The following RAB11FIP3 variants were observed in gnomAD, a reference collection of about 807,000 sequenced individuals.
The protein encoded by RAB11FIP3 is RAB11 family interacting protein 3.
In RAB11FIP3, 17 loss-of-function variants were observed where a neutral mutation model predicts 77.8. The observed-to-expected ratio is 0.22, with a 90% CI of 0.15 to 0.33. RAB11FIP3 has a LOEUF of 0.33. RAB11FIP3 is among the 10% of genes least tolerant of loss of function. RAB11FIP3 has a pLI of 1.00. For missense variants in RAB11FIP3, 1,005 were observed against 1,011.2 expected (o/e 0.99, Z 0.08); for synonymous variants, 437 against 448.2 (o/e 0.98, Z 0.31).
intron 3 of RAB11FIP3, among the ~76,000 whole-genome samples, chr16:475,832 G>A (rs1402545689): frequency 6.6e-6 from 1 of 152,220 alleles, no homozygotes; most frequent in African/African-American, 2.4e-5. Context: ...CAATGGCAGG[G>A]AGGCCCGGCT....
At chr16:499,791 G>A (rs527457235) in intron 6 of RAB11FIP3, among the ~76,000 whole-genome samples, 6 of 109,768 alleles carry the variant, frequency 5.5e-5, no homozygotes, top group African/African-American at 7.8e-5. Context: ...GAGCAAGACT[G>A]TCTCAAAAAA....
chr16:494,555 G>C (rs906834964), intron 5 of RAB11FIP3, among the ~76,000 whole-genome samples: 6 of 151,944 alleles, frequency 3.9e-5, no homozygotes, highest in African/African-American at 1.2e-4. Context: ...CCGGGAGGTG[G>C]AACTTGCAGT....
At chr16:497,362 G>A in intron 6 of RAB11FIP3, 1 of 1,302,410 alleles carries the variant, frequency 7.7e-7, no homozygotes, top group South Asian at 1.2e-5. Context: ...TCCCCTGCCA[G>A]TTCTTACCGA....
Position 426,489 on chromosome 16 carries a change from C to T in RAB11FIP3, c.483C>T (p.Phe161=), listed in dbSNP as rs776735779. 7.6e-6 allele frequency: 12 copies of T among 1,580,544 alleles called. No homozygotes were observed. The South Asian group carries it at 1.3e-4, about 17-fold the overall frequency. Residue 161 remains phenylalanine (F), a synonymous_variant, in exon 1 of 14, where the codon TTC becomes TTT. Coordinates refer to ENST00000262305, the MANE Select transcript of RAB11FIP3 (RefSeq NM_014700.4). This position sits in a 1 kb window ranked among gnomAD's most constrained non-coding sequence, Gnocchi z 5.0. ...SHRARGEVDV[F]SPFPAPTAGE... The stretch of plus-strand genomic sequence containing the variant: ...GAGCGCGGGGCGAGGTCGACGTCTT[C>T]TCTCCCTTCCCCGCGCCCACGGCGG...
At chr16:482,233 T>G in intron 3 of RAB11FIP3, 2 of 550,684 alleles carry the variant, frequency 3.6e-6, no homozygotes. Flanking sequence ...AGTTTTGTAT[T>G]TTTGGTAGAG....
Position 505,374 on chromosome 16 carries a change from T to C in RAB11FIP3, c.1396-150T>C, listed in dbSNP as rs539691113. The C allele has an allele frequency of 4.8e-6, 3 of 623,220 alleles. No homozygotes were observed. Among genetic ancestry groups the C allele is most frequent in the Non-Finnish European group, 8.4e-6 (3 of 358,176 alleles). 38.6% of individuals were successfully genotyped at this position (623,220 alleles called of 1,614,324 possible). A position where few individuals can be genotyped will look rare whatever the true frequency, so the allele number is the denominator to read the frequency against. On this transcript the variant is annotated intron_variant, in intron 7 of 13. Transcript: ENST00000262305. This position sits in a 1 kb window ranked among gnomAD's most constrained non-coding sequence, Gnocchi z 4.0. ...TAGGAGCTGCACCTTTGTGGGTTTA[T>C]GGGACAAGTTGGATCCAACACCAGC...
At chr16:432,011 C>T (rs1284094042) in intron 1 of RAB11FIP3, among the ~76,000 whole-genome samples, 1 of 152,156 alleles carries the variant, frequency 6.6e-6, no homozygotes, top group Non-Finnish European at 1.5e-5. Flanking sequence ...CCCACCTCGG[C>T]CTCCCAAAGT....
chr16:506,233 C>A lies in RAB11FIP3; in HGVS notation c.1499+606C>A, dbSNP rs2031869872. Among the ~76,000 whole-genome samples, 2 of 151,914 alleles carry A rather than the reference C, an allele frequency of 1.3e-5. 1 individual carries two copies. The highest frequency in any genetic ancestry group is 4.2e-4 in the South Asian group (2 of 4,812). ...ATACCGTGTAATTCTCGGTGTTTTT[C>A]ACACGAGGCACGCCATGTTGTCTCA... is the stretch of plus-strand genomic sequence containing the variant. On this transcript the variant is annotated intron_variant, in intron 8 of 13. Transcript: ENST00000262305. This position sits in a 1 kb window ranked among gnomAD's most constrained non-coding sequence, Gnocchi z 4.5.
chr16:509,328 C>T (rs949013183), intron 8 of RAB11FIP3, among the ~76,000 whole-genome samples: 1 of 152,250 alleles, frequency 6.6e-6, no homozygotes, highest in South Asian at 2.1e-4. Context: ...GCCGCTGGCT[C>T]GGGGACCTTT....
chr16:456,766 C>CA (rs754274136), intron 1 of RAB11FIP3, among the ~76,000 whole-genome samples: 2 of 152,036 alleles, frequency 1.3e-5, no homozygotes, highest in Non-Finnish European at 2.9e-5. Context: ...CAACAACAAA[C>CA]AAAAAAACCA....
chr16:511,486 A>G (rs1596298143), intron 9 of RAB11FIP3, among the ~76,000 whole-genome samples: 3 of 112,706 alleles, frequency 2.7e-5, no homozygotes, highest in Non-Finnish European at 1.8e-5. Flanking sequence ...AGGTAGGAGA[A>G]GTTCCCCGAC....
intron 1 of RAB11FIP3, among the ~76,000 whole-genome samples, chr16:457,176 T>C (rs1202311256): frequency 1.3e-5 from 2 of 152,160 alleles, no homozygotes; most frequent in Non-Finnish European, 2.9e-5. Flanking sequence ...CATAATACAG[T>C]GTGTTATTCG....
intron 2 of RAB11FIP3, among the ~76,000 whole-genome samples, chr16:467,882 G>A (rs1452397273): frequency 8.7e-6 from 1 of 114,548 alleles, no homozygotes; most frequent in Non-Finnish European, 1.8e-5. Context: ...TGGGACGTCA[G>A]GGAGGAGGTG....
chr16:497,108 G>A (rs8063501), intron 6 of RAB11FIP3: 20,422 of 554,398 alleles, frequency 0.037, 683 homozygotes, highest in African/African-American at 0.13. Context: ...GGCCTCTTGT[G>A]TGTTCACTAA....
At position 437,256 on chromosome 16, in the gene RAB11FIP3, C is replaced by T. The variant is rs538346689; in HGVS notation, c.714+10536C>T. 7.3e-5 allele frequency among the ~76,000 whole-genome samples: 11 copies of T among 150,364 alleles called. No homozygotes were observed. The East Asian group carries it at 1.4e-3, about 19-fold the overall frequency. The stretch of plus-strand genomic sequence containing the variant: ...TCGCGCCACTGCACTCCAGCCTGGG[C>T]GACAGAGGGAGACTCTGTCTCAGAA... On this transcript the variant is annotated intron_variant, in intron 1 of 13. Coordinates refer to ENST00000262305, the MANE Select transcript of RAB11FIP3 (RefSeq NM_014700.4).
chr16:495,622 C>T (rs1036761357), intron 5 of RAB11FIP3, among the ~76,000 whole-genome samples: 10 of 152,136 alleles, frequency 6.6e-5, no homozygotes, highest in Non-Finnish European at 1.0e-4. Flanking sequence ...GCTGATGACA[C>T]GCAGCATTGT....
chr16:486,278 G>C (rs1402650478), intron 4 of RAB11FIP3, among the ~76,000 whole-genome samples: 1 of 152,196 alleles, frequency 6.6e-6, no homozygotes, highest in Non-Finnish European at 1.5e-5. Context: ...TGGATCATGA[G>C]GTCAGGAGTT....
rs1051987300 is a variant in RAB11FIP3, at chr16:522,078, A to C, written c.*1239A>C. 1 of 89,050 alleles carries C rather than the reference A, an allele frequency of 1.1e-5. No homozygotes were observed. Among genetic ancestry groups the C allele is most frequent in the African/African-American group, 5.8e-5 (1 of 17,236 alleles). The allele number at this position is 89,050 out of a possible 1,614,324, so 5.5% of individuals were successfully genotyped here. On this transcript the variant is annotated 3_prime_UTR_variant, in exon 14 of 14. Transcript: ENST00000262305. ...CCCCACATCCGCCGCCTTCCACGCTAGGATGTAAGAGGTCGCCTCCTATTG... is the reference window on the plus strand; with the variant it reads ...CCCCACATCCGCCGCCTTCCACGCTCGGATGTAAGAGGTCGCCTCCTATTG...
At chr16:448,595 G>A (rs1388344325) in intron 1 of RAB11FIP3, among the ~76,000 whole-genome samples, 3 of 152,022 alleles carry the variant, frequency 2.0e-5, no homozygotes, top group Non-Finnish European at 4.4e-5. Context: ...TATTAGCCGG[G>A]CATGGTGGCG....
Sources: allele counts gnomAD v4.1 joint callset (sites outside exome capture counted in the v4.1 genomes callset), GRCh38; gene constraint gnomAD v4.1.1; non-coding constraint Gnocchi (gnomAD v3.1); transcripts MANE v1.5; gene names NCBI Gene and HGNC (gene_info 2026-07-23, HGNC 2026-07-21).